The following SKIC3 variants were observed in gnomAD, a reference collection of about 807,000 sequenced individuals.
The protein encoded by SKIC3 is superkiller complex protein 3.
the SKIC3 span, among the ~76,000 whole-genome samples, chr5:95,547,659 T>C: frequency 6.6e-6 from 1 of 152,120 alleles, no homozygotes; most frequent in African/African-American, 2.4e-5. Flanking sequence ...ATTCTCTATA[T>C]ATTTTGGCTA....
chr5:95,475,598 C>T, the SKIC3 span, among the ~76,000 whole-genome samples: 1 of 152,138 alleles, frequency 6.6e-6, no homozygotes, highest in Non-Finnish European at 1.5e-5. Context: ...TTATAAATGA[C>T]CCTATCTCAG....
chr5:95,517,018 T>C, the SKIC3 span: 82 of 1,613,564 alleles, frequency 5.1e-5, no homozygotes, highest in Admixed American at 1.8e-4. Context: ...GGTCACACCA[T>C]GTATTAGATG....
chr5:95,511,906 C>T, the SKIC3 span, among the ~76,000 whole-genome samples: 14 of 152,246 alleles, frequency 9.2e-5, no homozygotes, highest in African/African-American at 1.9e-4. Context: ...TTAAAAAAGA[C>T]GGAATTATTA....
the SKIC3 span, among the ~76,000 whole-genome samples, chr5:95,537,612 C>A: frequency 6.6e-6 from 1 of 152,182 alleles, no homozygotes; most frequent in South Asian, 2.1e-4. Context: ...TATGACTGAA[C>A]TGTTATGAAA....
the SKIC3 span, among the ~76,000 whole-genome samples, chr5:95,546,352 CA>C: frequency 5.3e-3 from 720 of 136,514 alleles, 4 homozygotes; most frequent in African/African-American, 0.018. Context: ...AAAAAAAAAA[CA>C]AAAAAAAAAA....
At chr5:95,526,621 A>T in the SKIC3 span, among the ~76,000 whole-genome samples, 2 of 151,932 alleles carry the variant, frequency 1.3e-5, no homozygotes, top group East Asian at 3.9e-4. Context: ...TTACAGGTGC[A>T]TACCACCAAG....
At chr5:95,537,164 C>A in the SKIC3 span, 1 of 1,575,740 alleles carries the variant, frequency 6.3e-7, no homozygotes, top group South Asian at 1.1e-5. Flanking sequence ...AAAAAGCTAT[C>A]ATCTGTATCA....
the SKIC3 span, chr5:95,527,884 G>A: frequency 1.1e-6 from 1 of 951,830 alleles, no homozygotes; most frequent in South Asian, 1.5e-5. Context: ...TTATAAAAGT[G>A]CAGATGTGGT....
chr5:95,483,278 G>A, the SKIC3 span, among the ~76,000 whole-genome samples: 1 of 151,758 alleles, frequency 6.6e-6, no homozygotes, highest in Non-Finnish European at 1.5e-5. Context: ...TCCCACTATT[G>A]TTTCAAATAT....
the SKIC3 span, among the ~76,000 whole-genome samples, chr5:95,553,511 C>T: frequency 6.6e-6 from 1 of 152,042 alleles, no homozygotes; most frequent in African/African-American, 2.4e-5. Context: ...GTTTTGCTTC[C>T]CTGAAATCTA....
chr5:95,528,095 A>G, the SKIC3 span: 1 of 1,613,886 alleles, frequency 6.2e-7, no homozygotes, highest in Non-Finnish European at 8.5e-7. Context: ...ATGAAGACAA[A>G]GATTCCTCTG....
the SKIC3 span, among the ~76,000 whole-genome samples, chr5:95,492,689 A>AAAAAAAAAAAAAAAAG: frequency 7.2e-6 from 1 of 138,456 alleles, no homozygotes; most frequent in Non-Finnish European, 1.6e-5. Context: ...AAAAAAAAAA[A>AAAAAAAAAAAAAAAAG]CAAGACAACT....
At chr5:95,501,866 G>C in the SKIC3 span, among the ~76,000 whole-genome samples, 1 of 151,932 alleles carries the variant, frequency 6.6e-6, no homozygotes, top group Non-Finnish European at 1.5e-5. Flanking sequence ...TAAGTTCTTG[G>C]AACATGTTAT....
chr5:95,496,179 A>T, the SKIC3 span, among the ~76,000 whole-genome samples: 10 of 151,996 alleles, frequency 6.6e-5, no homozygotes, highest in African/African-American at 2.4e-4. Flanking sequence ...CACCATGCCC[A>T]GCTAATTTTT....
At chr5:95,481,769 A>T in the SKIC3 span, among the ~76,000 whole-genome samples, 1 of 152,102 alleles carries the variant, frequency 6.6e-6, no homozygotes, top group Admixed American at 6.6e-5. Flanking sequence ...ATGCCAGATA[A>T]TTTTTTCAAA....
chr5:95,470,313 C>G, the SKIC3 span, among the ~76,000 whole-genome samples: 19 of 152,090 alleles, frequency 1.2e-4, no homozygotes, highest in Middle Eastern at 6.8e-3. Context: ...TATTTGAGCC[C>G]GTCACCATAT....
chr5:95,523,617 TA>T, the SKIC3 span: 9 of 1,601,468 alleles, frequency 5.6e-6, no homozygotes, highest in Non-Finnish European at 7.7e-6. Flanking sequence ...ATACTCAGGA[TA>T]AAAAAAACAA....
At chr5:95,480,603 G>A in the SKIC3 span, among the ~76,000 whole-genome samples, 1 of 152,070 alleles carries the variant, frequency 6.6e-6, no homozygotes, top group Non-Finnish European at 1.5e-5. Context: ...AGTGTAAAGT[G>A]GTATAACCAT....
chr5:95,466,251 A>G, the SKIC3 span, among the ~76,000 whole-genome samples: 4 of 152,202 alleles, frequency 2.6e-5, no homozygotes, highest in Admixed American at 2.6e-4. Flanking sequence ...TAGCATGAGA[A>G]GTAGAGTAGA....
Sources: allele counts gnomAD v4.1 joint callset (sites outside exome capture counted in the v4.1 genomes callset), GRCh38; gene constraint gnomAD v4.1.1; transcripts MANE v1.5; gene names NCBI Gene and HGNC (gene_info 2026-07-23, HGNC 2026-07-21).